Variants in PALM2AKAP2 observed in about 807,000 individuals in gnomAD.
PALM2AKAP2 encodes the protein PALM2-AKAP2 fusion protein.
PALM2AKAP2 carries 37 observed loss-of-function variants against 71.5 expected under a neutral mutation model. The observed-to-expected ratio is 0.52, with a 90% CI of 0.40 to 0.68. The LOEUF is 0.68. Ranked by LOEUF, PALM2AKAP2 falls within the 30% of genes least tolerant of loss-of-function variation. PALM2AKAP2 has a pLI of 0.00. For synonymous variants in PALM2AKAP2, 468 were observed against 478.8 expected (o/e 0.98, Z 0.29); for missense variants, 1,224 against 1,191.8 (o/e 1.03, Z -0.40).
intron 1 of PALM2AKAP2, among the ~76,000 whole-genome samples, chr9:109,744,137 G>T (rs1461889699): frequency 6.6e-6 from 1 of 152,108 alleles, no homozygotes; most frequent in Non-Finnish European, 1.5e-5. Context: ...GAGAAGAACT[G>T]AATAATGATT....
intron 6 of PALM2AKAP2, among the ~76,000 whole-genome samples, chr9:109,961,728 GCT>G (rs1831854814): frequency 1.3e-5 from 2 of 152,228 alleles, no homozygotes; most frequent in African/African-American, 4.8e-5. Flanking sequence ...CAGACACAAT[GCT>G]GAGGGCACGG....
chr9:110,065,858 A>T lies in PALM2AKAP2; in HGVS notation c.156+17003A>T, dbSNP rs1415558460. Among the ~76,000 whole-genome samples, 6 of 152,306 alleles carry T rather than the reference A, an allele frequency of 3.9e-5. No homozygotes were observed. The East Asian group carries it at 9.6e-4, about 24-fold the overall frequency. ...ACTTAGCATAATGTCCTCAATGTTTATCCATGTTATAGCATGTGTCACAAT... is the reference window on the plus strand; with the variant it reads ...ACTTAGCATAATGTCCTCAATGTTTTTCCATGTTATAGCATGTGTCACAAT... On this transcript the variant is annotated intron_variant, in intron 1 of 3. Coordinates refer to ENST00000374525, the Ensembl canonical transcript of PALM2AKAP2.
At chr9:109,865,453 C>A (rs1490015958) in intron 1 of PALM2AKAP2, among the ~76,000 whole-genome samples, 1 of 152,032 alleles carries the variant, frequency 6.6e-6, no homozygotes, top group Non-Finnish European at 1.5e-5. Flanking sequence ...TCCTTCATGA[C>A]CATGTCAGTT....
intron 6 of PALM2AKAP2, among the ~76,000 whole-genome samples, chr9:110,012,596 T>A (rs1301078090): frequency 6.6e-6 from 1 of 152,224 alleles, no homozygotes. Context: ...AATTAAAATG[T>A]TATTACTAAA....
At chr9:109,952,523 C>T (rs890421296) in intron 6 of PALM2AKAP2, among the ~76,000 whole-genome samples, 1 of 152,188 alleles carries the variant, frequency 6.6e-6, no homozygotes, top group African/African-American at 2.4e-5. Context: ...ATAGATTGCT[C>T]AAACCGCCAG....
intron 1 of PALM2AKAP2, among the ~76,000 whole-genome samples, chr9:109,702,786 G>T (rs1377312174): frequency 1.3e-5 from 2 of 149,910 alleles, no homozygotes; most frequent in Non-Finnish European, 1.5e-5. Flanking sequence ...CCTTGGGCAT[G>T]ATGATGTAAC....
chr9:110,057,433 C>G (rs1186981934), intron 1 of PALM2AKAP2, among the ~76,000 whole-genome samples: 1 of 147,116 alleles, frequency 6.8e-6, no homozygotes, highest in African/African-American at 2.5e-5. Context: ...TGCTGGAGTG[C>G]AGTGGCGCCA....
chr9:109,657,726 G>C (rs564490178), intron 1 of PALM2AKAP2, among the ~76,000 whole-genome samples: 1 of 152,152 alleles, frequency 6.6e-6, no homozygotes, highest in Non-Finnish European at 1.5e-5. Context: ...GGCAATGATA[G>C]TTGGGTGTTT....
At chr9:109,987,779 G>T (rs984953587) in intron 6 of PALM2AKAP2, among the ~76,000 whole-genome samples, 1 of 152,162 alleles carries the variant, frequency 6.6e-6, no homozygotes, top group Non-Finnish European at 1.5e-5. Context: ...CATCTCTGTT[G>T]TGAAGGATGT....
At chr9:110,142,567 T>G (rs75856595) in intron 2 of PALM2AKAP2, among the ~76,000 whole-genome samples, 1 of 152,140 alleles carries the variant, frequency 6.6e-6, no homozygotes, top group African/African-American at 2.4e-5. Context: ...CAGAGACCTG[T>G]AGGAGCACAA....
rs746852249 is a variant in PALM2AKAP2, at chr9:109,923,715, T to G, written c.258-20T>G. 5 of 1,576,160 alleles carry G rather than the reference T, an allele frequency of 3.2e-6. No individual in the cohort carries two copies. In the African/African-American group the frequency reaches 6.9e-5, roughly 22 times the overall value. ...GGCAGGACAATAAAGTAACTTGTCC[T>G]TTGTTTGTGTGTTTTCCAGGCTGGA... On this transcript the variant is annotated intron_variant, in intron 3 of 9. Transcript: ENST00000302798.
At position 110,096,544 on chromosome 9, in the gene PALM2AKAP2, G is replaced by A. The variant is rs150750852; in HGVS notation, c.157-39583G>A. ...AGCCTCCCAAAATGTTGGGATGACA[G>A]GCATGAGCCATCACGCCTGGCCTTG... On this transcript the variant is annotated intron_variant, in intron 1 of 3. Transcript: ENST00000374525. 1.3e-3 allele frequency among the ~76,000 whole-genome samples: 202 copies of A among 152,272 alleles called. 1 individual carries two copies. Among genetic ancestry groups the A allele is most frequent in the East Asian group, 8.5e-3 (44 of 5,194 alleles).
chr9:109,741,622 G>A (rs530777094), intron 1 of PALM2AKAP2, among the ~76,000 whole-genome samples: 4 of 152,174 alleles, frequency 2.6e-5, no homozygotes, highest in Non-Finnish European at 5.9e-5. Context: ...CTGACATTTG[G>A]TTATGTCTGG....
chr9:110,062,075 C>CA (rs1270963737), intron 1 of PALM2AKAP2, among the ~76,000 whole-genome samples: 1 of 151,874 alleles, frequency 6.6e-6, no homozygotes, highest in Non-Finnish European at 1.5e-5. Context: ...CAAAGGCTTA[C>CA]AAAAAAATAG....
At chr9:110,005,794 C>T (rs191299745) in intron 6 of PALM2AKAP2, among the ~76,000 whole-genome samples, 74 of 152,324 alleles carry the variant, frequency 4.9e-4, no homozygotes, top group South Asian at 1.0e-3. Context: ...TAGCAATGAG[C>T]GAGGCTCTGT....
At chr9:109,932,058 A>G in intron 6 of PALM2AKAP2, 30 bp downstream of exon 6, 1 of 1,599,546 alleles carries the variant, frequency 6.3e-7, no homozygotes, top group Non-Finnish European at 8.5e-7. Flanking sequence ...GGACGCTAGG[A>G]TGGTCCAAGG....
chr9:110,137,127 C>G (rs1317458267), exon 2 of PALM2AKAP2: 5 of 1,613,370 alleles, frequency 3.1e-6, no homozygotes, highest in Non-Finnish European at 4.2e-6. Flanking sequence ...CAGCTCTGCA[C>G]AGCCCCTGCC....
Position 109,716,208 on chromosome 9 carries a change from G to A in PALM2AKAP2, c.6-64280G>A, listed in dbSNP as rs140461490. On this transcript the variant is annotated intron_variant, in intron 1 of 6. Coordinates refer to the PALM2AKAP2 transcript ENST00000374531. ...GTGGTAACTCTCTCCTCTTTATGTC[G>A]TGTTATACCCAAGAAAATCTTAATA... Among the ~76,000 whole-genome samples the A allele has an allele frequency of 3.8e-3, 577 of 152,220 alleles. 3 individuals are homozygous for A. Among genetic ancestry groups the A allele is most frequent in the African/African-American group, 0.013 (553 of 41,534 alleles).
intron 1 of PALM2AKAP2, among the ~76,000 whole-genome samples, chr9:110,098,835 C>A (rs914348801): frequency 1.3e-5 from 2 of 152,232 alleles, no homozygotes; most frequent in African/African-American, 2.4e-5. Flanking sequence ...CCACGCACCT[C>A]CACATTTTCG....
Sources: allele counts gnomAD v4.1 joint callset (sites outside exome capture counted in the v4.1 genomes callset), GRCh38; gene constraint gnomAD v4.1.1; transcripts MANE v1.5; gene names NCBI Gene and HGNC (gene_info 2026-07-23, HGNC 2026-07-21).